POLQ: variants seen among roughly 807,000 people sequenced by gnomAD.
The protein encoded by POLQ is DNA polymerase theta, also known as epididymis secretory sperm binding protein.
Under a neutral mutation model 259.2 loss-of-function variants are expected in POLQ, and 233 were observed. The ratio of observed to expected loss-of-function variants is 0.90; its 90% CI spans 0.81 to 1.00. The LOEUF is 1.00. Among genes scored for constraint, POLQ ranks in the 50% least tolerant of loss-of-function variants. The pLI is 0.00. For missense variants in POLQ, 2,871 were observed against 3,051.6 expected (o/e 0.94, Z 1.39); for synonymous variants, 1,025 against 1,048.8 (o/e 0.98, Z 0.44).
intron 28 of POLQ, among the ~76,000 whole-genome samples, chr3:121,434,985 C>T (rs966276645): frequency 2.6e-5 from 4 of 152,054 alleles, no homozygotes; most frequent in African/African-American, 9.7e-5. Flanking sequence ...GGTGAAACCC[C>T]CTCTCTACTA....
In POLQ at chr3:121,498,487, T is replaced by C. The variant is rs2048141864; in HGVS notation, c.2143A>G (p.Ile715Val). ...GACCTTGACGTTTACCTTTTATGGATGGCCATTTGTCGATGCTGTCTCTCA... is the reference window on the plus strand; with the variant it reads ...GACCTTGACGTTTACCTTTTATGGACGGCCATTTGTCGATGCTGTCTCTCA... ...RTERQHRQMA[I>V]HKRFFTSLVL... Residue 715 changes from isoleucine to valine, a missense_variant, in exon 13 of 30, where the codon ATC (isoleucine) becomes GTC (valine). This residue lies in a region of POLQ where 783 missense variants were observed against 906.2 expected (regional missense o/e 0.86). Transcript: ENST00000264233. The C allele has an allele frequency of 6.2e-7, 1 of 1,613,420 alleles. No individual in the cohort carries two copies. The highest frequency in any genetic ancestry group is 1.7e-5 in the Admixed American group (1 of 59,956).
intron 24 of POLQ, among the ~76,000 whole-genome samples, chr3:121,466,947 CAGTT>C (rs2047842192): frequency 6.6e-6 from 1 of 152,184 alleles, no homozygotes; most frequent in African/African-American, 2.4e-5. Context: ...TGTATACTAA[CAGTT>C]GGAATGATCT....
rs1410439236 is a variant in POLQ, at chr3:121,490,190, C to T, written c.2741G>A (p.Ser914Asn). The T allele has an allele frequency of 6.2e-7, 1 of 1,612,572 alleles. No individual in the cohort carries two copies. Among genetic ancestry groups the T allele is most frequent in the Admixed American group, 1.7e-5 (1 of 59,994 alleles). ...TGTGTGTTCCTTTACTTCGGACTCA[C>T]TATGAGTCAATGAGCATGTACTAGA... ...LHSSTCSLTH[S>N]ESEVKEHTFI... The change falls in exon 16 of 30, where the codon AGT (serine) becomes AAT (asparagine). Residue 914 changes from serine (S) to asparagine (N), a missense_variant. This residue lies in a region of POLQ where 2,080 missense variants were observed against 2,126.0 expected (regional missense o/e 0.98). Transcript: ENST00000264233.
At chr3:121,463,532 G>A (rs751857732) in intron 24 of POLQ, among the ~76,000 whole-genome samples, 2 of 151,860 alleles carry the variant, frequency 1.3e-5, no homozygotes, top group Non-Finnish European at 2.9e-5. Flanking sequence ...TTCTTTTTTG[G>A]CTTTGGATAA....
chr3:121,512,066 A>G (rs762937465), intron 9 of POLQ, 37 bp from the exon 10 acceptor site: 78 of 1,572,652 alleles, frequency 5.0e-5, no homozygotes, highest in Non-Finnish European at 6.4e-5. Flanking sequence ...AAATCCCAAT[A>G]TAGTTCCATA....
In POLQ at chr3:121,487,599, AAGGTG is replaced by A. The variant is rs780700843; in HGVS notation, c.5327_5331del (p.Ser1776PhefsTer4). On this transcript the variant is annotated frameshift_variant, in exon 16 of 30. Transcript: ENST00000264233. LOFTEE classifies it high-confidence loss of function. ...CTTAAATCGTGGTTTTTAATATCTG[AAGGTG>A]AGCCAAATAAATAACTTTCACCAGG... The A allele has an allele frequency of 6.2e-7, 1 of 1,614,070 alleles. No homozygotes were observed. The highest frequency in any genetic ancestry group is 2.2e-5 in the East Asian group (1 of 44,864).
rs919934801 is a variant in POLQ, at chr3:121,494,537, A to T, written c.2279-816T>A. 3.3e-5 allele frequency: 52 copies of T among 1,580,556 alleles called. No individual in the cohort carries two copies. In the Admixed American group the frequency reaches 8.9e-4, roughly 27 times the overall value. On this transcript the variant is annotated intron_variant, in intron 14 of 29. Transcript: ENST00000264233. ...CCTTCGAACAGGAGTTAACACCGTCACCACCTTGGTGGAGAACAAGAAAGC... is the reference window on the plus strand; with the variant it reads ...CCTTCGAACAGGAGTTAACACCGTCTCCACCTTGGTGGAGAACAAGAAAGC...
In POLQ at chr3:121,490,329, T is replaced by C; in HGVS notation, c.2602A>G (p.Lys868Glu). 1 of 1,614,250 alleles carries C rather than the reference T, an allele frequency of 6.2e-7. No homozygotes were observed. Among genetic ancestry groups the C allele is most frequent in the East Asian group, 2.2e-5 (1 of 44,888 alleles). The change falls in exon 16 of 30, where the codon AAA becomes GAA. Residue 868 changes from lysine to glutamate, a missense_variant. By Grantham distance (56) the Lys-to-Glu change is moderately conservative. Around this residue, in one of 3 missense-constraint regions of POLQ, gnomAD observed 2,080 missense variants for 2,126.0 expected, o/e 0.98. Transcript: ENST00000264233. ...GCTGCTTCCCTTTCAGTTAAACCTTTTCTGCCAGTCACCCAGATAGTTCGC... is the reference window on the plus strand; with the variant it reads ...GCTGCTTCCCTTTCAGTTAAACCTTCTCTGCCAGTCACCCAGATAGTTCGC... ...NMRTIWVTGR[K>E]GLTEREAAAL...
At chr3:121,536,811 A>T (rs1257880278) in intron 5 of POLQ, among the ~76,000 whole-genome samples, 2 of 151,732 alleles carry the variant, frequency 1.3e-5, no homozygotes, top group African/African-American at 4.8e-5. Flanking sequence ...TGCCCAGCTA[A>T]TTTTTTTTAT....
chr3:121,443,214 T>C (rs1244091122), intron 26 of POLQ, among the ~76,000 whole-genome samples: 1 of 152,232 alleles, frequency 6.6e-6, no homozygotes, highest in African/African-American at 2.4e-5. Context: ...TAATTTACAT[T>C]CCCACCAAAG....
At chr3:121,439,080 G>A (rs1474228773) in intron 27 of POLQ, among the ~76,000 whole-genome samples, 1 of 152,026 alleles carries the variant, frequency 6.6e-6, no homozygotes, top group Non-Finnish European at 1.5e-5. Flanking sequence ...TAAATACTTA[G>A]GTACACAGAA....
chr3:121,460,360 G>C (rs760606154), intron 24 of POLQ, 126 bp from the exon 25 acceptor site: 1 of 650,582 alleles, frequency 1.5e-6, no homozygotes, highest in Non-Finnish European at 2.7e-6. Context: ...GAAATCACAT[G>C]TCAAAAGTTA....
Position 121,539,946 on chromosome 3 carries a change from C to T in POLQ, c.475-357G>A, listed in dbSNP as rs1300712549. 2.6e-5 allele frequency among the ~76,000 whole-genome samples: 4 copies of T among 151,916 alleles called. No homozygotes were observed. In the East Asian group the frequency reaches 7.7e-4, roughly 29 times the overall value. On this transcript the variant is annotated intron_variant, in intron 3 of 29. Transcript: ENST00000264233. ...AAACTAGCTATAACACTTAAAGAAA[C>T]AAATTTATACTTCATGAGGAAAATA...
intron 6 of POLQ, among the ~76,000 whole-genome samples, chr3:121,530,745 G>A (rs902026085): frequency 6.6e-6 from 1 of 152,142 alleles, no homozygotes; most frequent in Non-Finnish European, 1.5e-5. Flanking sequence ...CTGGATTAAT[G>A]CATCCATCTA....
chr3:121,442,289 G>C (rs1022516304), intron 26 of POLQ, among the ~76,000 whole-genome samples: 3 of 152,152 alleles, frequency 2.0e-5, no homozygotes, highest in Non-Finnish European at 4.4e-5. Context: ...TTTATCATTT[G>C]TGTTGCAAAC....
At chr3:121,514,022 CAAAAAAAAAAA>C (rs1185320178) in intron 9 of POLQ, among the ~76,000 whole-genome samples, 1 of 27,658 alleles carries the variant, frequency 3.6e-5, no homozygotes, top group Non-Finnish European at 7.6e-5. Flanking sequence ...AACTCCATCT[CAAAAAAAAAAA>C]AAAAAAAAAA....
At position 121,432,227 on chromosome 3, in the gene POLQ, T is replaced by C; in HGVS notation, c.*77A>G. The C allele has an allele frequency of 7.4e-7, 1 of 1,356,050 alleles. No homozygotes were observed. The highest frequency in any genetic ancestry group is 9.9e-7 in the Non-Finnish European group (1 of 1,008,380). 84.0% of individuals were successfully genotyped at this position (1,356,050 alleles called of 1,614,324 possible). On this transcript the variant is annotated 3_prime_UTR_variant, in exon 30 of 30. Coordinates refer to ENST00000264233, the MANE Select transcript of POLQ (RefSeq NM_199420.4). ...TGAAAGTTTGTTTTGCTGAGGTAGG[T>C]GAAAGGGTAATCTCTGTTCTTTCCA... is the stretch of plus-strand genomic sequence containing the variant.
At chr3:121,463,164 C>T (rs942804154) in intron 24 of POLQ, among the ~76,000 whole-genome samples, 3 of 152,148 alleles carry the variant, frequency 2.0e-5, no homozygotes, top group Admixed American at 6.5e-5. Context: ...GTCAAGAGGT[C>T]AGGTGAAGAT....
In POLQ at chr3:121,488,972, T is replaced by A. The variant is rs2048039039; in HGVS notation, c.3959A>T (p.Asp1320Val). The change falls in exon 16 of 30, where the codon GAT (aspartate) becomes GTT (valine). Residue 1320 changes from aspartate to valine, a missense_variant. Coordinates refer to ENST00000264233, the MANE Select transcript of POLQ (RefSeq NM_199420.4). The part of the protein sequence containing the change: ...DLGLVLCDFE[D>V]SFYLDTQSEK... Reference sequence around the variant, plus strand: ...TGACTGAGTATCCAGATAGAAACTATCTTCAAAATCACAGAGGACTAAACC... The same window carrying A: ...TGACTGAGTATCCAGATAGAAACTAACTTCAAAATCACAGAGGACTAAACC... 2 of 1,613,676 alleles carry A rather than the reference T, an allele frequency of 1.2e-6. No individual in the cohort carries two copies. Among genetic ancestry groups the A allele is most frequent in the African/African-American group, 2.7e-5 (2 of 74,926 alleles).
Sources: gnomAD v4.1 joint callset for allele counts (sites outside exome capture counted in the v4.1 genomes callset) on GRCh38, gnomAD v4.1.1 for gene constraint, gnomAD v4.1.1 regional missense constraint, MANE v1.5 for transcripts, NCBI Gene and HGNC (gene_info 2026-07-23, HGNC 2026-07-21) for gene names.